Variants in UGT1A7 observed in about 807,000 individuals in gnomAD.
UGT1A7 encodes the protein UDP-glucuronosyltransferase 1A7.
UGT1A7 carries 33 observed loss-of-function variants against 45.6 expected under a neutral mutation model. The ratio of observed to expected loss-of-function variants is 0.72; its 90% CI spans 0.55 to 0.97. The LOEUF (loss-of-function observed/expected upper bound fraction) is 0.97, where lower values mean the gene tolerates loss of function less well. Among genes scored for constraint, UGT1A7 ranks in the 50% least tolerant of loss-of-function variants. The pLI, the probability that UGT1A7 is intolerant of heterozygous loss-of-function variation, is 0.00. For synonymous variants in UGT1A7, 274 were observed against 250.6 expected (o/e 1.09, Z -0.88); for missense variants, 684 against 666.2 (o/e 1.03, Z -0.29).
chr2:233,731,513 C>G (rs972587345), intron 1 of UGT1A7, among the ~76,000 whole-genome samples: 4 of 152,148 alleles, frequency 2.6e-5, no homozygotes, highest in Admixed American at 1.3e-4. Context: ...CAGTTCCCAC[C>G]TATGAGTGAG....
At chr2:233,748,499 T>C (rs1693956853) in intron 1 of UGT1A7, among the ~76,000 whole-genome samples, 1 of 151,838 alleles carries the variant, frequency 6.6e-6, no homozygotes, top group Admixed American at 6.5e-5. Context: ...GTGATAATTT[T>C]TAGTGGTCCT....
At chr2:233,713,977 C>G in intron 1 of UGT1A7, 1 of 1,595,304 alleles carries the variant, frequency 6.3e-7, no homozygotes, top group Non-Finnish European at 8.5e-7. Context: ...TTCTGCTTCT[C>G]ATTGTTGTAA....
chr2:233,714,781 C>T (rs2076411817), intron 1 of UGT1A7, among the ~76,000 whole-genome samples: 1 of 152,136 alleles, frequency 6.6e-6, no homozygotes, highest in Non-Finnish European at 1.5e-5. Flanking sequence ...TTTGGAATAG[C>T]CACATTTCAA....
intron 1 of UGT1A7, chr2:233,721,708 G>T (rs994914932): frequency 2.4e-5 from 9 of 371,466 alleles, no homozygotes; most frequent in African/African-American, 4.2e-5. Flanking sequence ...GCTCATCTTG[G>T]ATGCTTTGTT....
intron 1 of UGT1A7, among the ~76,000 whole-genome samples, chr2:233,727,577 G>T (rs1286576165): frequency 6.6e-6 from 1 of 152,206 alleles, no homozygotes; most frequent in Admixed American, 6.5e-5. Flanking sequence ...TGCTTAGGAA[G>T]CATATAGTTT....
intron 1 of UGT1A7, among the ~76,000 whole-genome samples, chr2:233,765,676 A>T (rs544202607): frequency 2.0e-5 from 3 of 151,708 alleles, no homozygotes; most frequent in Non-Finnish European, 4.4e-5. Flanking sequence ...TGGCATATGT[A>T]TCCCAGAACT....
At chr2:233,716,496 C>T (rs2076507073) in intron 1 of UGT1A7, among the ~76,000 whole-genome samples, 1 of 152,152 alleles carries the variant, frequency 6.6e-6, no homozygotes, top group African/African-American at 2.4e-5. Context: ...TTCTATTCTC[C>T]AGGCTTCAGA....
At chr2:233,729,839 T>A (rs749325726) in intron 1 of UGT1A7, 14 of 1,613,780 alleles carry the variant, frequency 8.7e-6, no homozygotes, top group Non-Finnish European at 4.2e-6. Context: ...GCCTCTGAGC[T>A]TTTTCAGAGA....
chr2:233,682,062 A>G lies in UGT1A7; in HGVS notation c.125A>G (p.Gln42Arg), dbSNP rs754287322. 11 of 1,614,008 alleles carry G rather than the reference A, an allele frequency of 6.8e-6. No individual in the cohort carries two copies. In the African/African-American group the frequency reaches 1.1e-4, roughly 16 times the overall value. The part of the protein sequence containing the change: ...PMDGSHWFTM[Q>R]SVVEKLILRG... ...GATGGGAGCCACTGGTTCACCATGC[A>G]GTCGGTGGTGGAGAAACTCATCCTC... The change falls in exon 1 of 5, where the codon CAG becomes CGG. Residue 42 changes from glutamine to arginine, a missense_variant. Transcript: ENST00000373426.
Position 233,760,811 on chromosome 2 carries a change from T to A in UGT1A7, c.856-6223T>A, listed in dbSNP as rs72551341. The A allele has an allele frequency of 6.5e-5, 105 of 1,613,198 alleles. No individual in the cohort carries two copies. Among genetic ancestry groups the A allele is most frequent in the Non-Finnish European group, 7.5e-5 (89 of 1,179,336 alleles). The stretch of plus-strand genomic sequence containing the variant: ...CCCACTGTATTCTTCTTGCATGCAC[T>A]GCCATGCAGCCTGGAATTTGAGGCT... On this transcript the variant is annotated intron_variant, in intron 1 of 4. Coordinates refer to ENST00000373426, the MANE Select transcript of UGT1A7 (RefSeq NM_019077.3).
intron 1 of UGT1A7, among the ~76,000 whole-genome samples, chr2:233,714,456 G>T (rs1216186200): frequency 6.6e-6 from 1 of 152,164 alleles, no homozygotes; most frequent in Non-Finnish European, 1.5e-5. Flanking sequence ...GAGAGGGAGT[G>T]TTGGATTGTA....
intron 1 of UGT1A7, among the ~76,000 whole-genome samples, chr2:233,758,520 T>A (rs1404036248): frequency 1.3e-5 from 2 of 152,094 alleles, no homozygotes; most frequent in African/African-American, 4.8e-5. Context: ...CAACAAAGAG[T>A]GAAAGCATTG....
At position 233,682,539 on chromosome 2, in the gene UGT1A7, T is replaced by A. The variant is rs138921290; in HGVS notation, c.602T>A (p.Met201Lys). ...PRLLLGFSDA[M>K]TFKERVWNHI... ...CTTCTCTTAGGGTTCTCAGACGCCA[T>A]GACTTTCAAGGAGAGAGTATGGAAC... Residue 201 changes from methionine to lysine, a missense_variant, in exon 1 of 5, where the codon ATG (methionine) becomes AAG (lysine). Coordinates refer to ENST00000373426, the MANE Select transcript of UGT1A7 (RefSeq NM_019077.3). 6.2e-7 allele frequency: 1 copy of A among 1,613,944 alleles called. No homozygotes were observed. Among genetic ancestry groups the A allele is most frequent in the South Asian group, 1.1e-5 (1 of 91,076 alleles).
chr2:233,721,810 C>A (rs559553943), intron 1 of UGT1A7: 84 of 514,692 alleles, frequency 1.6e-4, no homozygotes, highest in Non-Finnish European at 3.0e-4. Flanking sequence ...CAGCAAAAAT[C>A]CAGCACCCTA....
intron 1 of UGT1A7, among the ~76,000 whole-genome samples, chr2:233,689,248 C>T (rs1219951031): frequency 1.3e-5 from 2 of 152,214 alleles, no homozygotes. Flanking sequence ...GTGAGTGATT[C>T]AGACTTGACT....
At chr2:233,762,238 A>G (rs1231676264) in intron 1 of UGT1A7, among the ~76,000 whole-genome samples, 1 of 152,096 alleles carries the variant, frequency 6.6e-6, no homozygotes, top group East Asian at 1.9e-4. Context: ...CCTAAGGCAC[A>G]GAATAGGCAC....
chr2:233,710,222 T>A (rs1194275702), intron 1 of UGT1A7, among the ~76,000 whole-genome samples: 1 of 152,250 alleles, frequency 6.6e-6, no homozygotes. Flanking sequence ...TGAATAAAGC[T>A]GCTATGACTA....
At chr2:233,695,564 A>AC (rs1277678782) in intron 1 of UGT1A7, among the ~76,000 whole-genome samples, 4 of 146,794 alleles carry the variant, frequency 2.7e-5, no homozygotes, top group East Asian at 2.0e-4. Flanking sequence ...AACCATTTTC[A>AC]CCCCCCCTTC....
intron 1 of UGT1A7, among the ~76,000 whole-genome samples, chr2:233,749,509 A>G (rs912225239): frequency 2.6e-5 from 4 of 151,940 alleles, no homozygotes; most frequent in African/African-American, 7.3e-5. Context: ...GAATTAGAGA[A>G]CACTAGCAAG....
Sources: gnomAD v4.1 joint callset for allele counts (sites outside exome capture counted in the v4.1 genomes callset) on GRCh38, gnomAD v4.1.1 for gene constraint, MANE v1.5 for transcripts, NCBI Gene and HGNC (gene_info 2026-07-23, HGNC 2026-07-21) for gene names.